The following PRR12 variants were observed in gnomAD, a reference collection of about 807,000 sequenced individuals.
The protein encoded by PRR12 is proline rich 12, also known as proline-rich protein 12.
In PRR12, 12 loss-of-function variants were observed where a neutral mutation model predicts 138.0. That is an observed-to-expected ratio of 0.09 (90% confidence interval 0.06 to 0.14). The LOEUF (loss-of-function observed/expected upper bound fraction) is 0.14. Among genes scored for constraint, PRR12 ranks in the 10% least tolerant of loss-of-function variants. The pLI is 1.00. For synonymous variants in PRR12, 1,567 were observed against 1,291.7 expected (o/e 1.21, Z -4.57); for missense variants, 2,692 against 2,861.3 (o/e 0.94, Z 1.35).
intron 9 of PRR12, among the ~76,000 whole-genome samples, 179 bp from the exon 10 acceptor site, chr19:49,620,173 G>A (rs1337162381): frequency 1.3e-5 from 2 of 152,150 alleles, no homozygotes; most frequent in East Asian, 3.8e-4. Context: ...TGCAGTCCCT[G>A]TGATTCTGCC....
chr19:49,625,182 C>T lies in PRR12; in HGVS notation c.5946C>T (p.Phe1982=). The T allele has an allele frequency of 6.2e-7, 1 of 1,613,748 alleles. No homozygotes were observed. Among genetic ancestry groups the T allele is most frequent in the Non-Finnish European group, 8.5e-7 (1 of 1,179,724 alleles). ...TCCACCACTATAAATACCACACCTTCCTGCGCTGCCGGGACCAGGTGAGCC... is the reference window on the plus strand; with the variant it reads ...TCCACCACTATAAATACCACACCTTTCTGCGCTGCCGGGACCAGGTGAGCC... ...HSLHHYKYHT[F]LRCRDQTLAI... is the part of the protein sequence containing the mutation. The change falls in exon 13 of 14, where the codon TTC becomes TTT. Residue 1982 remains phenylalanine, a synonymous_variant. Coordinates refer to ENST00000418929, the MANE Select transcript of PRR12 (RefSeq NM_020719.3). This position sits in a 1 kb window ranked among gnomAD's most constrained non-coding sequence, Gnocchi z 5.5.
chr19:49,594,538 T>G lies in PRR12; in HGVS notation c.284T>G (p.Leu95Arg), dbSNP rs2080751178. The change falls in exon 3 of 14, where the codon CTG (leucine) becomes CGG (arginine). Residue 95 changes from leucine (L) to arginine (R), a missense_variant. Coordinates refer to ENST00000418929, the MANE Select transcript of PRR12 (RefSeq NM_020719.3). This position sits in a 1 kb window ranked among gnomAD's most constrained non-coding sequence, Gnocchi z 5.6. Reference protein sequence around the residue: ...DASVMNLISALESRGPQPGPS... With the variant: ...DASVMNLISARESRGPQPGPS... ...TCCGTCATGAACCTTATCTCGGCCC[T>G]GGAATCCCGGGGCCCCCAGCCTGGC... 3 of 1,612,772 alleles carry G rather than the reference T, an allele frequency of 1.9e-6. No individual in the cohort carries two copies. The African/African-American group carries it at 4.0e-5, about 22-fold the overall frequency.
intron 11 of PRR12, 120 bp downstream of exon 11, chr19:49,621,742 G>A: frequency 4.9e-6 from 4 of 811,376 alleles, no homozygotes; most frequent in Non-Finnish European, 7.9e-6. Flanking sequence ...TCTGGGCTCA[G>A]ATGGGAGAAA....
chr19:49,615,070 G>A lies in PRR12; in HGVS notation c.5024+61G>A, dbSNP rs891500610. On this transcript the variant is annotated intron_variant, in intron 8 of 13. Coordinates refer to ENST00000418929, the MANE Select transcript of PRR12 (RefSeq NM_020719.3). ...GTAGCGCCGACAGGCATGGGGATGC[G>A]GCATGCAAGAGAGAAGGCTGGAGAG... 7.0e-5 allele frequency: 112 copies of A among 1,601,390 alleles called. No individual in the cohort carries two copies. The East Asian group carries it at 2.0e-3, about 29-fold the overall frequency.
At position 49,625,775 on chromosome 19, in the gene PRR12, C is replaced by CCCTCTCCCAAGCCCCCTCCACT; in HGVS notation, c.*171_*192dup. 1 of 803,126 alleles carries CCCTCTCCCAAGCCCCCTCCACT rather than the reference C, an allele frequency of 1.2e-6. No homozygotes were observed. The highest frequency in any genetic ancestry group is 1.8e-6 in the Non-Finnish European group (1 of 558,180). The allele number at this position is 803,126 out of a possible 1,614,324, so 49.7% of individuals were successfully genotyped here. A position where few individuals can be genotyped will look rare whatever the true frequency, so the allele number is the denominator to read the frequency against. On this transcript the variant is annotated 3_prime_UTR_variant, in exon 14 of 14. Transcript: ENST00000418929. This position sits in a 1 kb window ranked among gnomAD's most constrained non-coding sequence, Gnocchi z 5.5. Reference sequence around the variant, plus strand: ...GGCAGGGTTCAAAGTCCGACTCCCCCCCTCTCCCAAGCCCCCTCCACTCCC... The same window carrying CCCTCTCCCAAGCCCCCTCCACT: ...GGCAGGGTTCAAAGTCCGACTCCCCCCCTCTCCCAAGCCCCCTCCACTCCTCTCCCAAGCCCCCTCCACTCCC...
chr19:49,599,243 C>T lies in PRR12; in HGVS notation c.3679-29C>T, dbSNP rs1349893098. On this transcript the variant is annotated intron_variant, in intron 4 of 13. Transcript: ENST00000418929. The surrounding 1 kb of genome is among the most constrained non-coding windows in gnomAD (Gnocchi z 5.0). ...GGGACTGGGGGCCCAGGCTACTGGGCCCTCACGGCCCGCCACTCCCATGTC... is the reference window on the plus strand; with the variant it reads ...GGGACTGGGGGCCCAGGCTACTGGGTCCTCACGGCCCGCCACTCCCATGTC... 1 of 1,527,896 alleles carries T rather than the reference C, an allele frequency of 6.5e-7. No individual in the cohort carries two copies. Among genetic ancestry groups the T allele is most frequent in the Non-Finnish European group, 8.8e-7 (1 of 1,140,774 alleles). The allele number at this position is 1,527,896 out of a possible 1,614,324, so 94.6% of individuals were successfully genotyped here. A position where few individuals can be genotyped will look rare whatever the true frequency, so the allele number is the denominator to read the frequency against.
At chr19:49,603,212 A>G (rs553290371) in intron 6 of PRR12, among the ~76,000 whole-genome samples, 1 of 152,388 alleles carries the variant, frequency 6.6e-6, no homozygotes, top group Non-Finnish European at 1.5e-5. Flanking sequence ...TGACAGGGGT[A>G]GGTGTTACCA....
At chr19:49,592,042 TC>T (rs761611591) in intron 1 of PRR12, among the ~76,000 whole-genome samples, 2 of 151,556 alleles carry the variant, frequency 1.3e-5, no homozygotes, top group Admixed American at 1.3e-4. Context: ...GGCCTGGACT[TC>T]CCCCCATCCT....
rs774206722 is a variant in PRR12, at chr19:49,601,735, C to T, written c.4590C>T (p.Pro1530=). Residue 1530 remains proline, a synonymous_variant, in exon 6 of 14, where the codon CCC becomes CCT. Transcript: ENST00000418929. The part of the protein sequence containing the change: ...AAPLAAPPEE[P]AAPSPEDPEL... ...CACTGGCTGCTCCTCCTGAGGAGCC[C>T]GCCGCCCCGTCTCCCGAAGACCCCG... The T allele has an allele frequency of 1.9e-5, 30 of 1,548,124 alleles. No individual in the cohort carries two copies. The highest frequency in any genetic ancestry group is 1.2e-4 in the African/African-American group (9 of 73,168).
In PRR12 at chr19:49,596,941, G is replaced by A. The variant is rs1483021421; in HGVS notation, c.2606G>A (p.Arg869Gln). The change falls in exon 4 of 14, where the codon CGA becomes CAA. Residue 869 changes from arginine (R) to glutamine (Q), a missense_variant. This residue lies in a region of PRR12 where 840 missense variants were observed against 689.8 expected (regional missense o/e 1.22). Coordinates refer to ENST00000418929, the MANE Select transcript of PRR12 (RefSeq NM_020719.3). The surrounding 1 kb of genome is among the most constrained non-coding windows in gnomAD (Gnocchi z 5.6). ...LEPAAPSPRLRPEESLDPPGA... is the reference protein window; with the variant it reads ...LEPAAPSPRLQPEESLDPPGA... The stretch of plus-strand genomic sequence containing the variant: ...CCCGCGGCCCCCAGCCCCCGCCTGC[G>A]ACCCGAGGAGAGCCTGGATCCGCCA... 3.9e-6 allele frequency: 6 copies of A among 1,548,360 alleles called. No homozygotes were observed. In the Admixed American group the frequency reaches 7.7e-5, roughly 20 times the overall value.
At chr19:49,610,317 T>C (rs1299580775) in intron 6 of PRR12, among the ~76,000 whole-genome samples, 1 of 152,068 alleles carries the variant, frequency 6.6e-6, no homozygotes, top group African/African-American at 2.4e-5. Flanking sequence ...AGTCTGAGTG[T>C]CTGTAGCTCA....
Position 49,625,828 on chromosome 19 carries a change from CAG to C in PRR12, c.*225_*226del. ...CCCATTCCTCCCACTGTTCGGTGTACAGAGAAATTATTTATATATATGTATAA... is the reference window on the plus strand; with the variant it reads ...CCCATTCCTCCCACTGTTCGGTGTACAGAAATTATTTATATATATGTATAA... On this transcript the variant is annotated 3_prime_UTR_variant, in exon 14 of 14. Transcript: ENST00000418929. The surrounding 1 kb of genome is among the most constrained non-coding windows in gnomAD (Gnocchi z 5.5). 2.1e-6 allele frequency: 1 copy of C among 479,086 alleles called. No individual in the cohort carries two copies. The highest frequency in any genetic ancestry group is 3.6e-6 in the Non-Finnish European group (1 of 277,962). 29.7% of individuals were successfully genotyped at this position (479,086 alleles called of 1,614,324 possible). A position where few individuals can be genotyped will look rare whatever the true frequency, so the allele number is the denominator to read the frequency against.
At chr19:49,610,021 C>G (rs530652725) in intron 6 of PRR12, among the ~76,000 whole-genome samples, 2 of 151,582 alleles carry the variant, frequency 1.3e-5, no homozygotes, top group Non-Finnish European at 2.9e-5. Context: ...GTCCCCCAGA[C>G]TGGAGTGCGA....
rs201160209 is a variant in PRR12 at position 49,599,874 on chromosome 19, G to A, written c.4281G>A (p.Ala1427=). The part of the protein sequence containing the change: ...STPDGPPLAP[A]AAVPGPPPLP... ...CAGATGGGCCGCCCTTGGCCCCCGCGGCTGCAGTTCCAGGGCCACCCCCTC... is the reference window on the plus strand; with the variant it reads ...CAGATGGGCCGCCCTTGGCCCCCGCAGCTGCAGTTCCAGGGCCACCCCCTC... Residue 1427 remains alanine, a synonymous_variant, in exon 5 of 14, where the codon GCG becomes GCA. Coordinates refer to ENST00000418929, the MANE Select transcript of PRR12 (RefSeq NM_020719.3). This position sits in a 1 kb window ranked among gnomAD's most constrained non-coding sequence, Gnocchi z 5.0. 67 of 1,612,652 alleles carry A rather than the reference G, an allele frequency of 4.2e-5. No homozygotes were observed. The highest frequency in any genetic ancestry group is 1.7e-4 in the Middle Eastern group (1 of 6,060).
In PRR12 at chr19:49,595,823, C is replaced by G. The variant is rs760331510; in HGVS notation, c.1488C>G (p.Ser496Arg). The G allele has an allele frequency of 1.9e-5, 30 of 1,598,950 alleles. No individual in the cohort carries two copies. In the African/African-American group the frequency reaches 3.7e-4, roughly 20 times the overall value. Residue 496 changes from serine to arginine, a missense_variant, in exon 4 of 14, where the codon AGC (serine) becomes AGG (arginine). Coordinates refer to ENST00000418929, the MANE Select transcript of PRR12 (RefSeq NM_020719.3). ...PPPPGLATCQ[S>R]YSPDQLQGQL... ...CTCCTGGCCTGGCCACATGTCAGAG[C>G]TACTCCCCGGACCAGCTGCAGGGGC...
intron 4 of PRR12, among the ~76,000 whole-genome samples, chr19:49,598,932 T>C (rs1295534228): frequency 6.6e-6 from 1 of 152,132 alleles, no homozygotes; most frequent in Non-Finnish European, 1.5e-5. Flanking sequence ...GGTGCTGGGA[T>C]TACAGGCACG....
In PRR12 at chr19:49,625,757, T is replaced by C; in HGVS notation, c.*150T>C. 9.4e-7 allele frequency: 1 copy of C among 1,061,224 alleles called. No individual in the cohort carries two copies. Among genetic ancestry groups the C allele is most frequent in the Admixed American group, 3.5e-5 (1 of 28,622 alleles). 65.7% of individuals were successfully genotyped at this position (1,061,224 alleles called of 1,614,324 possible). Reference sequence around the variant, plus strand: ...CTGTGCTGCCCCCTCCAGGGCAGGGTTCAAAGTCCGACTCCCCCCCTCTCC... The same window carrying C: ...CTGTGCTGCCCCCTCCAGGGCAGGGCTCAAAGTCCGACTCCCCCCCTCTCC... On this transcript the variant is annotated 3_prime_UTR_variant, in exon 14 of 14. Coordinates refer to ENST00000418929, the MANE Select transcript of PRR12 (RefSeq NM_020719.3). The surrounding 1 kb of genome is among the most constrained non-coding windows in gnomAD (Gnocchi z 5.5).
chr19:49,596,934 C>T lies in PRR12; in HGVS notation c.2599C>T (p.Arg867Cys), dbSNP rs753110276. ...CCTGGAGCCCGCGGCCCCCAGCCCCCGCCTGCGACCCGAGGAGAGCCTGGA... is the reference window on the plus strand; with the variant it reads ...CCTGGAGCCCGCGGCCCCCAGCCCCTGCCTGCGACCCGAGGAGAGCCTGGA... ...HGLEPAAPSP[R>C]LRPEESLDPP... is the part of the protein sequence containing the mutation. The change falls in exon 4 of 14, where the codon CGC becomes TGC. Residue 867 changes from arginine (R) to cysteine (C), a missense_variant. Physicochemically the swap from Arg to Cys is radical, Grantham distance 180. Around this residue, in one of 11 missense-constraint regions of PRR12, gnomAD observed 840 missense variants for 689.8 expected, o/e 1.22. Transcript: ENST00000418929. This position sits in a 1 kb window ranked among gnomAD's most constrained non-coding sequence, Gnocchi z 5.6. The T allele has an allele frequency of 4.5e-6, 7 of 1,548,742 alleles. No individual in the cohort carries two copies. In the Admixed American group the frequency reaches 7.7e-5, roughly 17 times the overall value.
At chr19:49,600,644 C>A (rs1412032472) in intron 5 of PRR12, among the ~76,000 whole-genome samples, 6 of 151,828 alleles carry the variant, frequency 4.0e-5, no homozygotes, top group Non-Finnish European at 8.8e-5. Flanking sequence ...CAGAGCAAGA[C>A]CCTGTCTTAA....
Sources: allele counts gnomAD v4.1 joint callset (sites outside exome capture counted in the v4.1 genomes callset), GRCh38; gene constraint gnomAD v4.1.1; regional missense constraint gnomAD v4.1.1; non-coding constraint Gnocchi (gnomAD v3.1); transcripts MANE v1.5; gene names NCBI Gene and HGNC (gene_info 2026-07-23, HGNC 2026-07-21).